PDE11A: variants seen among roughly 807,000 people sequenced by gnomAD.
PDE11A encodes the protein phosphodiesterase 11A.
Under a neutral mutation model 100.5 loss-of-function variants are expected in PDE11A, and 100 were observed. The ratio of observed to expected loss-of-function variants is 1.00; its 90% CI spans 0.85 to 1.18. PDE11A has a LOEUF of 1.18. Among genes scored for constraint, PDE11A ranks in the 50% most tolerant of loss-of-function variants. PDE11A has a pLI of 0.00. For missense variants in PDE11A, 1,141 were observed against 1,152.6 expected (o/e 0.99, Z 0.15); for synonymous variants, 381 against 420.8 (o/e 0.91, Z 1.16).
At chr2:177,754,089 C>T (rs953045858) in intron 10 of PDE11A, among the ~76,000 whole-genome samples, 9 of 152,062 alleles carry the variant, frequency 5.9e-5, no homozygotes, top group African/African-American at 2.2e-4. Context: ...AAACAAGTTC[C>T]TTAAAGGCAG....
intron 2 of PDE11A, among the ~76,000 whole-genome samples, chr2:178,096,825 C>A (rs1303101483): frequency 6.6e-6 from 1 of 152,198 alleles, no homozygotes; most frequent in East Asian, 1.9e-4. Flanking sequence ...GTCTTCTGAG[C>A]CCTCCAAATT....
chr2:178,069,475 C>T (rs2087095962), intron 1 of PDE11A, among the ~76,000 whole-genome samples: 1 of 151,924 alleles, frequency 6.6e-6, no homozygotes, highest in Non-Finnish European at 1.5e-5. Flanking sequence ...CAAGGTAAAC[C>T]AAGGGTAAAT....
intron 14 of PDE11A, among the ~76,000 whole-genome samples, chr2:177,700,400 CT>C (rs1417274408): frequency 0.027 from 756 of 27,566 alleles, 8 homozygotes; most frequent in East Asian, 0.16. Context: ...CCTTCCTGGC[CT>C]CAAAAAAAAA....
chr2:177,800,158 T>C (rs2082768567), intron 9 of PDE11A, among the ~76,000 whole-genome samples: 1 of 147,142 alleles, frequency 6.8e-6, no homozygotes, highest in Admixed American at 7.1e-5. Context: ...AGAATAATCC[T>C]AACAGTCTAA....
chr2:177,705,049 C>T (rs1409801460), intron 13 of PDE11A, among the ~76,000 whole-genome samples: 2 of 152,124 alleles, frequency 1.3e-5, no homozygotes, highest in Non-Finnish European at 2.9e-5. Context: ...ACCATGTTGG[C>T]CAGGCTGGTC....
chr2:177,849,484 A>G (rs886610034), intron 5 of PDE11A, among the ~76,000 whole-genome samples: 17 of 152,228 alleles, frequency 1.1e-4, no homozygotes, highest in African/African-American at 3.9e-4. Flanking sequence ...CAACTTCAGC[A>G]AAGTCTCAGG....
rs983908534 is a variant in PDE11A at position 177,979,273 on chromosome 2, G to T, written c.1071+35029C>A. Among the ~76,000 whole-genome samples the T allele has an allele frequency of 4.3e-4, 65 of 150,404 alleles. 4 individuals are homozygous for T. The highest frequency in any genetic ancestry group is 6.4e-4 in the Non-Finnish European group (43 of 67,108). On this transcript the variant is annotated intron_variant, in intron 2 of 19. Transcript: ENST00000286063. ...TCTGTCTCTGCTGTTATTTTAGGTT[G>T]ACATATAAAACTAGTGACTTCTTCC...
intron 6 of PDE11A, among the ~76,000 whole-genome samples, chr2:177,829,898 G>A (rs962267831): frequency 3.9e-5 from 6 of 152,110 alleles, no homozygotes; most frequent in African/African-American, 1.4e-4. Context: ...CCCTGGTGAT[G>A]TTACGTTACA....
chr2:178,038,605 G>C (rs1196108816), intron 1 of PDE11A, among the ~76,000 whole-genome samples: 1 of 152,032 alleles, frequency 6.6e-6, no homozygotes, highest in East Asian at 1.9e-4. Flanking sequence ...CACAATAAGA[G>C]AAAACACAAA....
chr2:177,643,836 C>A (rs1236243946), intron 19 of PDE11A, among the ~76,000 whole-genome samples: 1 of 152,216 alleles, frequency 6.6e-6, no homozygotes, highest in Non-Finnish European at 1.5e-5. Context: ...TGCATCCCAG[C>A]CACTCTAGCC....
rs558143601 is a variant in PDE11A at position 177,783,762 on chromosome 2, G to C, written c.1738-14389C>G. ...CAGACAAAAGGGTACTGGTTTTCCA[G>C]CCTATTCACTTAGATTTCAAATGGC... is the stretch of plus-strand genomic sequence containing the variant. On this transcript the variant is annotated intron_variant, in intron 9 of 19. Coordinates refer to ENST00000286063, the MANE Select transcript of PDE11A (RefSeq NM_016953.4). 3.7e-4 allele frequency among the ~76,000 whole-genome samples: 57 copies of C among 152,272 alleles called. 1 individual carries two copies. The highest frequency in any genetic ancestry group is 3.1e-3 in the South Asian group (15 of 4,822).
chr2:178,107,711 C>CTTTT (rs772556248), intron 1 of PDE11A, among the ~76,000 whole-genome samples: 2 of 142,654 alleles, frequency 1.4e-5, no homozygotes, highest in Non-Finnish European at 3.0e-5. Flanking sequence ...TTAACAATTC[C>CTTTT]TTTTTTTTTC....
chr2:177,736,539 A>T lies in PDE11A; in HGVS notation c.1789-8367T>A, dbSNP rs78480197. On this transcript the variant is annotated intron_variant, in intron 10 of 19. Transcript: ENST00000286063. ...AGAAAAAAAAAAGAAAAAAAAAGAA[A>T]GGGAGGAGGAAGAAGAATTTCCCCC... Among the ~76,000 whole-genome samples the T allele has an allele frequency of 2.2e-3, 334 of 152,084 alleles. 1 individual carries two copies. The highest frequency in any genetic ancestry group is 7.7e-3 in the African/African-American group (319 of 41,478).
chr2:177,962,145 T>C (rs1276852363), intron 2 of PDE11A, among the ~76,000 whole-genome samples: 1 of 151,902 alleles, frequency 6.6e-6, no homozygotes, highest in Non-Finnish European at 1.5e-5. Context: ...TGCTACTTTA[T>C]GTTGTCATCT....
At chr2:178,075,278 C>T (rs1160551576), upstream of PDE11A, among the ~76,000 whole-genome samples, 1 of 152,128 alleles carries the variant, frequency 6.6e-6, no homozygotes, top group African/African-American at 2.4e-5. Context: ...ACAGGCCAAG[C>T]ATGGTGGCTC....
At chr2:178,029,864 A>T (rs1331458192) in intron 1 of PDE11A, among the ~76,000 whole-genome samples, 1 of 152,098 alleles carries the variant, frequency 6.6e-6, no homozygotes, top group East Asian at 1.9e-4. Context: ...TACCATTATC[A>T]CTTGAGTGGG....
intron 16 of PDE11A, 81 bp downstream of exon 16, chr2:177,680,745 T>C: frequency 1.3e-6 from 1 of 750,510 alleles, no homozygotes; most frequent in Non-Finnish European, 2.4e-6. Context: ...ATCACTTCTA[T>C]GCTCTTAGTA....
intron 2 of PDE11A, among the ~76,000 whole-genome samples, chr2:177,960,479 A>G (rs17401986): frequency 0.16 from 23,782 of 152,090 alleles, 1,911 homozygotes; most frequent in Middle Eastern, 0.27. Context: ...TTTCATGTCT[A>G]CTTTTTTATA....
chr2:177,644,331 C>G (rs891025186), intron 19 of PDE11A, among the ~76,000 whole-genome samples: 5 of 152,256 alleles, frequency 3.3e-5, no homozygotes, highest in Non-Finnish European at 7.3e-5. Flanking sequence ...TTAGCATAAC[C>G]TGGATGCTAA....
Sources: gnomAD v4.1 joint callset for allele counts (sites outside exome capture counted in the v4.1 genomes callset) on GRCh38, gnomAD v4.1.1 for gene constraint, MANE v1.5 for transcripts, NCBI Gene and HGNC (gene_info 2026-07-23, HGNC 2026-07-21) for gene names.